CORO2A: variants seen among roughly 807,000 people sequenced by gnomAD.
CORO2A encodes the protein coronin-2A.
In CORO2A, 47 loss-of-function variants were observed where a neutral mutation model predicts 62.4. The observed-to-expected ratio is 0.75, with a 90% CI of 0.60 to 0.96. The LOEUF (loss-of-function observed/expected upper bound fraction) is 0.96, where lower values mean the gene tolerates loss of function less well. CORO2A is among the 40% of genes least tolerant of loss of function. CORO2A has a pLI of 0.00. For missense variants in CORO2A, 610 were observed against 684.1 expected (o/e 0.89, Z 1.21); for synonymous variants, 273 against 268.9 (o/e 1.02, Z -0.15).
At chr9:98,178,693 C>A (rs1284241255) in intron 1 of CORO2A, among the ~76,000 whole-genome samples, 1 of 152,122 alleles carries the variant, frequency 6.6e-6, no homozygotes, top group Non-Finnish European at 1.5e-5. Context: ...CCCCAGCTGG[C>A]GAGTGTGTCT....
intron 2 of CORO2A, among the ~76,000 whole-genome samples, chr9:98,142,967 G>GCT (rs1827594157): frequency 6.6e-6 from 1 of 152,230 alleles, no homozygotes; most frequent in Non-Finnish European, 1.5e-5. Flanking sequence ...CAGCCTGGTG[G>GCT]GCTATTGACT....
At chr9:98,179,478 T>TCCCACCTCTCTAAAGCTGAGAC (rs1453990667) in intron 1 of CORO2A, among the ~76,000 whole-genome samples, 1 of 152,138 alleles carries the variant, frequency 6.6e-6, no homozygotes, top group African/African-American at 2.4e-5. Context: ...TCATCTCAGA[T>TCCCACCTCTCTAAAGCTGAGAC]CCCACCTCTC....
intron 1 of CORO2A, among the ~76,000 whole-genome samples, chr9:98,178,926 G>A (rs1184885349): frequency 6.6e-6 from 1 of 152,210 alleles, no homozygotes; most frequent in East Asian, 1.9e-4. Context: ...GATGTGACTT[G>A]TCCAGGGTCA....
At chr9:98,153,704 A>C (rs939499780) in intron 2 of CORO2A, among the ~76,000 whole-genome samples, 2 of 150,466 alleles carry the variant, frequency 1.3e-5, no homozygotes, top group African/African-American at 4.9e-5. Flanking sequence ...TCACACACAC[A>C]CCCCGAGAGG....
intron 4 of CORO2A, among the ~76,000 whole-genome samples, chr9:98,134,100 A>C (rs1309254266): frequency 6.6e-6 from 1 of 152,106 alleles, no homozygotes; most frequent in Non-Finnish European, 1.5e-5. Flanking sequence ...TGTCTCTGTA[A>C]ACCCCTATAG....
intron 2 of CORO2A, among the ~76,000 whole-genome samples, chr9:98,152,576 G>C (rs1004242096): frequency 5.3e-5 from 8 of 152,158 alleles, no homozygotes; most frequent in African/African-American, 1.9e-4. Flanking sequence ...GAGCCACCCT[G>C]CCTGGCCTGT....
chr9:98,181,894 C>T, intron 1 of CORO2A, among the ~76,000 whole-genome samples: 1 of 152,196 alleles, frequency 6.6e-6, no homozygotes, highest in Non-Finnish European at 1.5e-5. Flanking sequence ...GAGTCACTTC[C>T]AAGCTGTGTG....
intron 3 of CORO2A, 39 bp from the exon 4 acceptor site, chr9:98,134,994 G>A: frequency 1.2e-6 from 2 of 1,601,972 alleles, no homozygotes; most frequent in East Asian, 4.5e-5. Context: ...CATTAGCCAG[G>A]GCACCTTGGC....
intron 1 of CORO2A, among the ~76,000 whole-genome samples, chr9:98,185,635 A>G (rs1828229773): frequency 6.6e-6 from 1 of 152,216 alleles, no homozygotes; most frequent in African/African-American, 2.4e-5. Flanking sequence ...AGTGGGCTCA[A>G]TTCCCCAGCC....
At chr9:98,186,748 T>TA (rs1363824911) in intron 1 of CORO2A, among the ~76,000 whole-genome samples, 2 of 152,148 alleles carry the variant, frequency 1.3e-5, no homozygotes, top group Non-Finnish European at 2.9e-5. Context: ...TTAACGTATA[T>TA]AAAATATTAG....
rs371139869 is a variant in CORO2A at position 98,134,948 on chromosome 9, A to G, written c.326T>C (p.Ile109Thr). Residue 109 changes from isoleucine (I) to threonine (T), a missense_variant, in exon 4 of 12, where the codon ATC becomes ACC. Transcript: ENST00000375077. ...ASCSEDATIKIWSIPKQLLTR... is the reference protein window; with the variant it reads ...ASCSEDATIKTWSIPKQLLTR... ...CAGCAGCTGCTTGGGGATGCTCCAG[A>G]TCTTAATCTGGCAGGGGAGACAGGG... 1.2e-6 allele frequency: 2 copies of G among 1,613,998 alleles called. No homozygotes were observed. The highest frequency in any genetic ancestry group is 1.3e-5 in the African/African-American group (1 of 75,038).
chr9:98,154,612 T>C (rs1024053600), intron 2 of CORO2A, among the ~76,000 whole-genome samples: 2 of 152,112 alleles, frequency 1.3e-5, no homozygotes, highest in African/African-American at 4.8e-5. Flanking sequence ...TTCTTTGTTT[T>C]TCTTTAAAAT....
chr9:98,141,714 C>T (rs887868705), intron 2 of CORO2A, among the ~76,000 whole-genome samples: 2 of 152,116 alleles, frequency 1.3e-5, no homozygotes, highest in African/African-American at 2.4e-5. Context: ...GGTGAGTTTT[C>T]GAAAATTAAA....
chr9:98,157,103 T>G (rs192351261), intron 2 of CORO2A, among the ~76,000 whole-genome samples: 174 of 152,340 alleles, frequency 1.1e-3, no homozygotes, highest in African/African-American at 4.0e-3. Context: ...GACTCAATGT[T>G]TGTTTCCCTT....
chr9:98,129,788 A>G lies in CORO2A; in HGVS notation c.967+6T>C. 6.2e-7 allele frequency: 1 copy of G among 1,608,250 alleles called. No homozygotes were observed. The highest frequency in any genetic ancestry group is 8.5e-7 in the Non-Finnish European group (1 of 1,175,072). ...ACAGGCATGAACTTCAGTGTCCCTC[A>G]CTTACCGATCCCCTTCTGTGGGTTA... On this transcript the variant is annotated splice_donor_region_variant and intron_variant, in intron 8 of 11. Transcript: ENST00000375077.
chr9:98,184,555 C>T (rs1025612214), intron 1 of CORO2A, among the ~76,000 whole-genome samples: 4 of 152,164 alleles, frequency 2.6e-5, no homozygotes, highest in African/African-American at 4.8e-5. Context: ...TTCTTCATGG[C>T]GGCCCCACAG....
chr9:98,135,512 G>A (rs1827474173), intron 3 of CORO2A, among the ~76,000 whole-genome samples: 1 of 152,162 alleles, frequency 6.6e-6, no homozygotes, highest in Non-Finnish European at 1.5e-5. Context: ...GGGGTCATGG[G>A]CCTGTATTTC....
chr9:98,174,766 C>T (rs1370903886), intron 1 of CORO2A, among the ~76,000 whole-genome samples: 1 of 152,112 alleles, frequency 6.6e-6, no homozygotes, highest in Non-Finnish European at 1.5e-5. Flanking sequence ...TGTAAGTTTC[C>T]TGAGGCTCCC....
chr9:98,154,329 G>GTATATATATA (rs61422672), intron 2 of CORO2A, among the ~76,000 whole-genome samples: 1 of 88,960 alleles, frequency 1.1e-5, no homozygotes, highest in Non-Finnish European at 2.1e-5. Context: ...GTGTTTGTGT[G>GTATATATATA]TATATATATA....
Sources: allele counts gnomAD v4.1 joint callset (sites outside exome capture counted in the v4.1 genomes callset), GRCh38; gene constraint gnomAD v4.1.1; transcripts MANE v1.5; gene names NCBI Gene and HGNC (gene_info 2026-07-23, HGNC 2026-07-21).